ANGPTL1: variants seen among roughly 807,000 people sequenced by gnomAD.
ANGPTL1 encodes the protein angiopoietin-related protein 1.
ANGPTL1 carries 36 observed loss-of-function variants against 46.7 expected under a neutral mutation model. The observed-to-expected ratio is 0.77, with a 90% CI of 0.59 to 1.02. ANGPTL1 has a LOEUF of 1.02. ANGPTL1 is among the 50% of genes least tolerant of loss of function. The pLI, the probability that ANGPTL1 is intolerant of heterozygous loss-of-function variation, is 0.00. For missense variants in ANGPTL1, 571 were observed against 594.7 expected, an observed-to-expected ratio of 0.96 and a Z score of 0.41; for synonymous variants, 221 against 204.3, an observed-to-expected ratio of 1.08 and a Z score of -0.69.
intron 5 of ANGPTL1, 138 bp from the exon 6 acceptor site, chr1:178,851,454 G>T: frequency 1.4e-6 from 1 of 718,406 alleles, no homozygotes; most frequent in Non-Finnish European, 2.1e-6. Flanking sequence ...AGTTTTAAAT[G>T]CCTTCACTTA....
At chr1:178,859,141 C>CTTTTT (rs10623482) in intron 3 of ANGPTL1, among the ~76,000 whole-genome samples, 70,813 of 151,408 alleles carry the variant, frequency 0.47, 17,883 homozygotes, top group African/African-American at 0.66. Context: ...GCAACCCAAA[C>CTTTTT]TTTTAATTAT....
intron 2 of ANGPTL1, among the ~76,000 whole-genome samples, chr1:178,868,402 A>G (rs571392471): frequency 6.6e-6 from 1 of 152,060 alleles, no homozygotes; most frequent in African/African-American, 2.4e-5. Flanking sequence ...TAATACTAGA[A>G]TGGAAACTCT....
chr1:178,862,422 A>G (rs1028510326), intron 3 of ANGPTL1, among the ~76,000 whole-genome samples: 2 of 151,762 alleles, frequency 1.3e-5, no homozygotes, highest in African/African-American at 4.9e-5. Flanking sequence ...ATATAGTTGG[A>G]AAGCCTCTTA....
chr1:178,853,130 T>C, intron 4 of ANGPTL1, 177 bp from the exon 5 acceptor site: 1 of 985,160 alleles, frequency 1.0e-6, no homozygotes, highest in Non-Finnish European at 1.2e-6. Context: ...ATTCTCTTTT[T>C]GTTTGTTTGT....
chr1:178,852,683 C>A lies in ANGPTL1; in HGVS notation c.1288G>T (p.Gly430Ter), dbSNP rs756202340. ...AAGAATGAAAGTTTTTCATACTTAC[C>A]TGCATACATATCTTTATCTCTGTCC... ...TLDRDKDMYA[G>*]NCAHFHKGGW... Residue 430 changes from glycine to a stop codon, truncating the protein, a stop_gained and splice_region_variant, in exon 5 of 6, where the codon GGA becomes TGA. Transcript: ENST00000234816. LOFTEE classifies it high-confidence loss of function. The A allele has an allele frequency of 1.2e-6, 2 of 1,610,132 alleles. No homozygotes were observed. The highest frequency in any genetic ancestry group is 3.4e-5 in the Admixed American group (2 of 59,380).
chr1:178,863,959 C>A (rs1008768776), intron 3 of ANGPTL1, among the ~76,000 whole-genome samples: 4 of 152,144 alleles, frequency 2.6e-5, no homozygotes, highest in African/African-American at 9.6e-5. Flanking sequence ...TATGTCCTGC[C>A]TTTTCAATAA....
At chr1:178,870,604 C>T (rs953123580) in intron 1 of ANGPTL1, 137 bp downstream of exon 1, 1 of 151,954 alleles carries the variant, frequency 6.6e-6, no homozygotes, top group African/African-American at 2.4e-5. Context: ...AAGATAAAAC[C>T]TTTTTCAGAT....
At chr1:178,868,351 T>A (rs1322968068) in intron 2 of ANGPTL1, among the ~76,000 whole-genome samples, 1 of 151,944 alleles carries the variant, frequency 6.6e-6, no homozygotes, top group Non-Finnish European at 1.5e-5. Flanking sequence ...ATTTTTCCTA[T>A]ATATTTAATT....
chr1:178,864,342 G>A (rs186501080), intron 3 of ANGPTL1, among the ~76,000 whole-genome samples: 131 of 152,076 alleles, frequency 8.6e-4, no homozygotes, highest in Non-Finnish European at 5.3e-4. Context: ...TTTAGCCTTG[G>A]AAAATAGGAG....
chr1:178,867,167 C>T (rs894333896), intron 2 of ANGPTL1, among the ~76,000 whole-genome samples: 1 of 152,176 alleles, frequency 6.6e-6, no homozygotes, highest in Middle Eastern at 3.4e-3. Flanking sequence ...AACACAATAA[C>T]AGTAATTAAT....
intron 3 of ANGPTL1, 37 bp from the exon 4 acceptor site, chr1:178,853,824 A>G (rs374044134): frequency 1.1e-4 from 170 of 1,482,010 alleles, no homozygotes; most frequent in Middle Eastern, 1.8e-4. Flanking sequence ...AGCAAACTTA[A>G]TATGAGAAGA....
intron 4 of ANGPTL1, chr1:178,853,166 C>T: frequency 1.0e-6 from 1 of 985,294 alleles, no homozygotes; most frequent in African/African-American, 1.7e-5. Context: ...TGTCAGTATT[C>T]ATTTGCATAG....
At chr1:178,859,333 G>A (rs1258122927) in intron 3 of ANGPTL1, among the ~76,000 whole-genome samples, 1 of 151,196 alleles carries the variant, frequency 6.6e-6, no homozygotes, top group Non-Finnish European at 1.5e-5. Context: ...TAAATATTTG[G>A]TGATTTAAAA....
At chr1:178,867,014 C>G (rs568675031) in intron 2 of ANGPTL1, among the ~76,000 whole-genome samples, 5 of 152,054 alleles carry the variant, frequency 3.3e-5, no homozygotes, top group African/African-American at 1.2e-4. Flanking sequence ...TTCACTCTTG[C>G]GAACTTCATA....
chr1:178,851,539 G>A (rs2102291936), intron 5 of ANGPTL1, among the ~76,000 whole-genome samples: 1 of 151,512 alleles, frequency 6.6e-6, no homozygotes, highest in Non-Finnish European at 1.5e-5. Flanking sequence ...TGCTTACAAT[G>A]TACTTTTTTA....
intron 1 of ANGPTL1, among the ~76,000 whole-genome samples, chr1:178,869,502 C>T (rs548909117): frequency 1.2e-4 from 19 of 152,088 alleles, no homozygotes; most frequent in Admixed American, 7.9e-4. Context: ...CTTAAGACAG[C>T]GTCAGTAAGA....
In ANGPTL1 at chr1:178,865,218, T is replaced by A. The variant is rs1280944094; in HGVS notation, c.559A>T (p.Asn187Tyr). 1.9e-6 allele frequency: 3 copies of A among 1,614,110 alleles called. No individual in the cohort carries two copies. Among genetic ancestry groups the A allele is most frequent in the Non-Finnish European group, 2.5e-6 (3 of 1,179,960 alleles). The change falls in exon 3 of 6, where the codon AAT becomes TAT. Residue 187 changes from asparagine to tyrosine, a missense_variant. Physicochemically the swap from Asn to Tyr is moderately radical, Grantham distance 143 (BLOSUM62 -2). Transcript: ENST00000234816. ...VKYASLTDLVNNQSVMITLLE... is the reference protein window; with the variant it reads ...VKYASLTDLVYNQSVMITLLE... ...AAAGTGATCATCACAGATTGGTTAT[T>A]GACAAGATCAGTCAAGGAAGCGTAT...
In ANGPTL1 at chr1:178,865,601, C is replaced by A; in HGVS notation, c.176G>T (p.Arg59Ile). The A allele has an allele frequency of 6.2e-7, 1 of 1,613,974 alleles. No individual in the cohort carries two copies. The highest frequency in any genetic ancestry group is 8.5e-7 in the Non-Finnish European group (1 of 1,179,936). The change falls in exon 3 of 6, where the codon AGA (arginine) becomes ATA (isoleucine). Residue 59 changes from arginine to isoleucine, a missense_variant. By Grantham distance (97) the Arg-to-Ile change is moderately conservative. Coordinates refer to ENST00000234816, the MANE Select transcript of ANGPTL1 (RefSeq NM_004673.4). ...CAYTFLVPEQ[R>I]ITGPICVNTK... ...GTTGACACAGATTGGCCCTGTTATTCTTTGTTCAGGTACCAGGAATGTGTA... is the reference window on the plus strand; with the variant it reads ...GTTGACACAGATTGGCCCTGTTATTATTTGTTCAGGTACCAGGAATGTGTA...
rs1325079666 is a variant in ANGPTL1, at chr1:178,864,886, G to A, written c.823+68C>T. ...CAAAATGAATAAGCATTTATTATGA[G>A]CATTGTTTCATAAGGCATAAAAATA... On this transcript the variant is annotated intron_variant, in intron 3 of 5. Coordinates refer to ENST00000234816, the MANE Select transcript of ANGPTL1 (RefSeq NM_004673.4). 4 of 1,066,656 alleles carry A rather than the reference G, an allele frequency of 3.8e-6. No homozygotes were observed. In the Admixed American group the frequency reaches 8.7e-5, roughly 23 times the overall value. 66.1% of individuals were successfully genotyped at this position (1,066,656 alleles called of 1,614,324 possible).
Sources: allele counts gnomAD v4.1 joint callset (sites outside exome capture counted in the v4.1 genomes callset), GRCh38; gene constraint gnomAD v4.1.1; transcripts MANE v1.5; gene names NCBI Gene and HGNC (gene_info 2026-07-23, HGNC 2026-07-21).